CORIN: variants seen among roughly 807,000 people sequenced by gnomAD.
CORIN encodes corin, serine peptidase, also known as atrial natriuretic peptide-converting enzyme.
Under a neutral mutation model 125.3 loss-of-function variants are expected in CORIN, and 117 were observed. The observed-to-expected ratio is 0.93, with a 90% CI of 0.80 to 1.09. The LOEUF (loss-of-function observed/expected upper bound fraction) is 1.09, where lower values mean the gene tolerates loss of function less well. CORIN is among the 50% of genes least tolerant of loss of function. The probability of loss-of-function intolerance (pLI) is 0.00; values close to 1 mark genes in which losing one functional copy is unlikely to be tolerated. For missense variants in CORIN, 1,253 were observed against 1,306.7 expected (o/e 0.96, Z 0.63); for synonymous variants, 450 against 466.4 (o/e 0.96, Z 0.45).
At chr4:47,781,535 A>G (rs993021087) in intron 3 of CORIN, among the ~76,000 whole-genome samples, 9 of 152,262 alleles carry the variant, frequency 5.9e-5, no homozygotes, top group African/African-American at 2.2e-4. Context: ...GCTAAGCTAC[A>G]ATGTTCTATA....
intron 4 of CORIN, among the ~76,000 whole-genome samples, chr4:47,759,051 G>A (rs1273323788): frequency 6.6e-6 from 1 of 152,168 alleles, no homozygotes; most frequent in Non-Finnish European, 1.5e-5. Context: ...ATAAATCCAT[G>A]CCTTTACAGT....
At chr4:47,614,932 A>G (rs1329824299) in intron 19 of CORIN, among the ~76,000 whole-genome samples, 2 of 152,188 alleles carry the variant, frequency 1.3e-5, no homozygotes, top group Non-Finnish European at 2.9e-5. Flanking sequence ...ACTTAGAAGT[A>G]AAAAAATATA....
chr4:47,704,930 T>C (rs1560513012), intron 5 of CORIN, among the ~76,000 whole-genome samples: 2 of 152,146 alleles, frequency 1.3e-5, no homozygotes, highest in Non-Finnish European at 2.9e-5. Context: ...GTAGTCGCTG[T>C]GAGGCACACA....
chr4:47,626,994 T>G lies in CORIN; in HGVS notation c.2199-473A>C, dbSNP rs571577729. 1.4e-4 allele frequency among the ~76,000 whole-genome samples: 17 copies of G among 120,628 alleles called. No homozygotes were observed. The South Asian group carries it at 4.2e-3, about 30-fold the overall frequency. 79.1% of individuals were successfully genotyped at this position (120,628 alleles called of 152,430 possible). A position where few individuals can be genotyped will look rare whatever the true frequency, so the allele number is the denominator to read the frequency against. The stretch of plus-strand genomic sequence containing the variant: ...TAGGTTGTTGTTGTTGTTGTTGTTG[T>G]TTTTTTTTTGATGAAGTCTTGCTCT... On this transcript the variant is annotated intron_variant, in intron 16 of 21. Transcript: ENST00000273857.
chr4:47,707,970 A>G (rs1726656504), intron 5 of CORIN, among the ~76,000 whole-genome samples: 1 of 152,250 alleles, frequency 6.6e-6, no homozygotes, highest in Admixed American at 6.5e-5. Flanking sequence ...ATTTTTCCAT[A>G]GAACACATTC....
At chr4:47,837,823 A>C in intron 1 of CORIN, 64 bp downstream of exon 1, 2 of 1,429,848 alleles carry the variant, frequency 1.4e-6, no homozygotes, top group Non-Finnish European at 2.0e-6. Flanking sequence ...GCTGACCCTG[A>C]ATTCACCGGG....
intron 1 of CORIN, among the ~76,000 whole-genome samples, chr4:47,809,235 C>G (rs1731940969): frequency 6.6e-6 from 1 of 152,022 alleles, no homozygotes; most frequent in Non-Finnish European, 1.5e-5. Flanking sequence ...ACTCCTGGAG[C>G]CAGATACATC....
At chr4:47,661,881 A>G (rs1724264070) in intron 11 of CORIN, 25 bp from the exon 12 acceptor site, 1 of 1,566,034 alleles carries the variant, frequency 6.4e-7, no homozygotes, top group Non-Finnish European at 8.7e-7. Context: ...AAGACAAAAC[A>G]TTAGAAGCAG....
chr4:47,711,774 T>A (rs1243719952), intron 5 of CORIN, among the ~76,000 whole-genome samples: 1 of 152,180 alleles, frequency 6.6e-6, no homozygotes, highest in Non-Finnish European at 1.5e-5. Context: ...ATTGAGCAGG[T>A]CTGAAAATAA....
chr4:47,678,259 T>A (rs191700956), intron 8 of CORIN, among the ~76,000 whole-genome samples: 1 of 152,344 alleles, frequency 6.6e-6, no homozygotes, highest in African/African-American at 2.4e-5. Flanking sequence ...TCTTGAGAAC[T>A]GTGTGATTGT....
intron 6 of CORIN, among the ~76,000 whole-genome samples, chr4:47,690,142 C>T (rs1725704604): frequency 6.6e-6 from 1 of 152,166 alleles, no homozygotes; most frequent in South Asian, 2.1e-4. Context: ...CCTCTGAAAG[C>T]CGTAATACAT....
At chr4:47,770,047 A>G (rs1729951591) in intron 3 of CORIN, among the ~76,000 whole-genome samples, 1 of 152,168 alleles carries the variant, frequency 6.6e-6, no homozygotes, top group African/African-American at 2.4e-5. Context: ...TCTTCCCAGG[A>G]AACAGTCAGC....
chr4:47,740,816 G>GT (rs1728360386), intron 5 of CORIN, among the ~76,000 whole-genome samples: 1 of 151,942 alleles, frequency 6.6e-6, no homozygotes, highest in Non-Finnish European at 1.5e-5. Flanking sequence ...ATGGCCAATT[G>GT]TTTTTTAACA....
At chr4:47,764,719 G>C (rs1036034344) in intron 3 of CORIN, among the ~76,000 whole-genome samples, 3 of 152,154 alleles carry the variant, frequency 2.0e-5, no homozygotes, top group Admixed American at 6.5e-5. Context: ...AGAGGGTTAT[G>C]TTAAAAATAG....
chr4:47,788,962 C>T (rs996636107), intron 2 of CORIN, among the ~76,000 whole-genome samples: 1 of 152,144 alleles, frequency 6.6e-6, no homozygotes, highest in Non-Finnish European at 1.5e-5. Flanking sequence ...TTTCCTTTGT[C>T]ATTTTAATAT....
intron 16 of CORIN, among the ~76,000 whole-genome samples, chr4:47,627,353 T>C (rs1722621467): frequency 6.6e-6 from 1 of 152,148 alleles, no homozygotes; most frequent in African/African-American, 2.4e-5. Flanking sequence ...CCCTAACTCA[T>C]ACTTTTAAAA....
chr4:47,707,264 TA>T (rs939476964), intron 5 of CORIN, among the ~76,000 whole-genome samples: 1 of 152,090 alleles, frequency 6.6e-6, no homozygotes, highest in African/African-American at 2.4e-5. Flanking sequence ...AATAAATTCT[TA>T]AAAGAAGAGA....
At position 47,701,647 on chromosome 4, in the gene CORIN, A is replaced by C. The variant is rs143148909; in HGVS notation, c.800-8564T>G. Among the ~76,000 whole-genome samples, 3 of 152,160 alleles carry C rather than the reference A, an allele frequency of 2.0e-5. No individual in the cohort carries two copies. In the East Asian group the frequency reaches 5.8e-4, roughly 29 times the overall value. On this transcript the variant is annotated intron_variant, in intron 5 of 21. Transcript: ENST00000273857. ...ATTTCAAGTACAGTCACAGTAAAAA[A>C]TCCTACCCAGTAGATTTTAAATCTA... is the stretch of plus-strand genomic sequence containing the variant.
chr4:47,681,231 A>G (rs1206542902), intron 7 of CORIN: 1 of 152,254 alleles, frequency 6.6e-6, no homozygotes, highest in Non-Finnish European at 1.5e-5. Flanking sequence ...CTTAAAGCAT[A>G]TTTTGGATCA....
Sources: allele counts gnomAD v4.1 joint callset (sites outside exome capture counted in the v4.1 genomes callset), GRCh38; gene constraint gnomAD v4.1.1; transcripts MANE v1.5; gene names NCBI Gene and HGNC (gene_info 2026-07-23, HGNC 2026-07-21).